The following FOXP2 variants were observed in gnomAD, a reference collection of about 807,000 sequenced individuals.
FOXP2 encodes the protein forkhead box P2.
Under a neutral mutation model 115.8 loss-of-function variants are expected in FOXP2, and 12 were observed. The observed-to-expected ratio is 0.10, with a 90% confidence interval of 0.07 to 0.17. FOXP2 has a LOEUF of 0.17. Ranked by LOEUF, FOXP2 falls within the 10% of genes least tolerant of loss-of-function variation. FOXP2 has a pLI of 1.00. For missense variants in FOXP2, 629 were observed against 843.5 expected, an observed-to-expected ratio of 0.75 and a Z score of 3.15; for synonymous variants, 328 against 297.7, an observed-to-expected ratio of 1.10 and a Z score of -1.05.
intron 14 of FOXP2, among the ~76,000 whole-genome samples, chr7:114,662,977 A>G (rs958507377): frequency 1.2e-4 from 19 of 152,186 alleles, no homozygotes; most frequent in African/African-American, 4.6e-4. Context: ...ATGTGCTAAT[A>G]TCTGCATTCA....
chr7:114,099,260 G>C (rs927040718), intron 1 of FOXP2, among the ~76,000 whole-genome samples: 1 of 152,106 alleles, frequency 6.6e-6, no homozygotes, highest in South Asian at 2.1e-4. Flanking sequence ...TGGCCAACAG[G>C]TATATGAAAA....
intron 3 of FOXP2, among the ~76,000 whole-genome samples, chr7:114,567,991 G>T (rs1801107052): frequency 6.6e-6 from 1 of 152,082 alleles, no homozygotes; most frequent in African/African-American, 2.4e-5. Context: ...AAAAGCATTT[G>T]CCTTTCAATA....
intron 16 of FOXP2, chr7:114,665,153 T>C (rs1585008510): frequency 6.6e-6 from 1 of 152,178 alleles, no homozygotes; most frequent in East Asian, 1.9e-4. Context: ...TTCAGAAATG[T>C]GTATGACACT....
intron 2 of FOXP2, among the ~76,000 whole-genome samples, chr7:114,385,678 G>A (rs1792429599): frequency 6.6e-6 from 1 of 152,172 alleles, no homozygotes; most frequent in African/African-American, 2.4e-5. Flanking sequence ...CAGATGCCCA[G>A]TATTTTCCTC....
intron 3 of FOXP2, among the ~76,000 whole-genome samples, chr7:114,550,091 G>A (rs73429356): frequency 0.015 from 2,304 of 150,640 alleles, 71 homozygotes; most frequent in African/African-American, 0.053. Flanking sequence ...TGTACATTGA[G>A]AGCTCATCTT....
At chr7:114,147,562 G>T (rs1184630867) in intron 1 of FOXP2, among the ~76,000 whole-genome samples, 3 of 152,052 alleles carry the variant, frequency 2.0e-5, no homozygotes, top group African/African-American at 4.8e-5. Flanking sequence ...TCCAAACCCT[G>T]TTGTGTCTGC....
intron 1 of FOXP2, among the ~76,000 whole-genome samples, chr7:114,096,184 A>G (rs924202052): frequency 1.3e-5 from 2 of 152,314 alleles, no homozygotes; most frequent in Middle Eastern, 3.4e-3. Context: ...CAACCAAGGA[A>G]AGCCGGGGAT....
At chr7:114,538,485 A>C (rs1799501186) in intron 3 of FOXP2, 1 of 596,066 alleles carries the variant, frequency 1.7e-6, no homozygotes, top group Non-Finnish European at 2.6e-6. Flanking sequence ...TCTCCTTTCT[A>C]ATAGGTAATT....
intron 1 of FOXP2, among the ~76,000 whole-genome samples, chr7:114,102,741 GT>G (rs1791020534): frequency 7.8e-6 from 1 of 128,764 alleles, no homozygotes; most frequent in African/African-American, 3.6e-5. Context: ...CACCCCAATG[GT>G]TATTCATATA....
chr7:114,426,657 T>G lies in FOXP2; in HGVS notation c.146T>G (p.Leu49Arg). 6.2e-7 allele frequency: 1 copy of G among 1,611,188 alleles called. No homozygotes were observed. ...DTSSEVSTVE[L>R]LHLQQQQALQ... is the part of the protein sequence containing the mutation. Reference sequence around the variant, plus strand: ...AGCTCTGAAGTAAGCACAGTAGAACTGCTGCATCTGCAACAACAGCAGGTA... The same window carrying G: ...AGCTCTGAAGTAAGCACAGTAGAACGGCTGCATCTGCAACAACAGCAGGTA... Residue 49 changes from leucine to arginine, a missense_variant, in exon 2 of 17, where the codon CTG (leucine) becomes CGG (arginine). Around this residue, in one of 9 missense-constraint regions of FOXP2, gnomAD observed 91 missense variants for 98.3 expected, o/e 0.93. Transcript: ENST00000350908.
chr7:114,567,061 T>C (rs1801061583), intron 3 of FOXP2, among the ~76,000 whole-genome samples: 1 of 151,870 alleles, frequency 6.6e-6, no homozygotes, highest in Non-Finnish European at 1.5e-5. Context: ...TATAGGAGAG[T>C]CTTTAGTATG....
At chr7:114,585,446 G>A (rs1436001475) in intron 3 of FOXP2, among the ~76,000 whole-genome samples, 1 of 151,946 alleles carries the variant, frequency 6.6e-6, no homozygotes, top group Non-Finnish European at 1.5e-5. Context: ...GAATATCTTA[G>A]AAATGTAGAA....
chr7:114,260,673 T>G (rs754220394), intron 1 of FOXP2, among the ~76,000 whole-genome samples: 40 of 152,290 alleles, frequency 2.6e-4, no homozygotes, highest in Non-Finnish European at 4.3e-4. Context: ...GATTTTTTAC[T>G]TTTCAGTTTT....
At chr7:114,476,824 C>A (rs1365252895) in intron 2 of FOXP2, among the ~76,000 whole-genome samples, 1 of 151,816 alleles carries the variant, frequency 6.6e-6, no homozygotes, top group African/African-American at 2.4e-5. Flanking sequence ...TCTCCTTGTA[C>A]AGATCTTTCA....
intron 2 of FOXP2, among the ~76,000 whole-genome samples, chr7:114,364,699 T>C (rs1378506295): frequency 6.6e-6 from 1 of 152,152 alleles, no homozygotes; most frequent in Non-Finnish European, 1.5e-5. Context: ...CCATAAACGG[T>C]ATGGATTTGC....
chr7:114,361,184 A>G (rs1791737180), intron 2 of FOXP2, among the ~76,000 whole-genome samples: 1 of 152,178 alleles, frequency 6.6e-6, no homozygotes, highest in South Asian at 2.1e-4. Context: ...TACTCAAATC[A>G]TGATCAAATT....
chr7:114,689,903 C>G lies in FOXP2; in HGVS notation c.2125C>G (p.Pro709Ala). The G allele has an allele frequency of 6.2e-7, 1 of 1,613,250 alleles. No homozygotes were observed. The highest frequency in any genetic ancestry group is 8.5e-7 in the Non-Finnish European group (1 of 1,179,454). Residue 709 changes from proline (P) to alanine (A), a missense_variant, in exon 17 of 17, where the codon CCT becomes GCT. Coordinates refer to ENST00000350908, the MANE Select transcript of FOXP2 (RefSeq NM_014491.4). The part of the protein sequence containing the change: ...LEDDREIEEE[P>A]LSEDLE ...AGACGACAGAGAGATTGAAGAAGAG[C>G]CTTTATCTGAAGATCTGGAATGAGA...
chr7:114,427,399 A>T (rs1793907122), intron 2 of FOXP2, among the ~76,000 whole-genome samples: 1 of 135,972 alleles, frequency 7.4e-6, no homozygotes, highest in African/African-American at 3.2e-5. Flanking sequence ...TGATTTTGTA[A>T]AAAAAAAAAA....
chr7:114,327,023 C>T (rs1797570711), intron 2 of FOXP2, among the ~76,000 whole-genome samples: 1 of 152,124 alleles, frequency 6.6e-6, no homozygotes, highest in African/African-American at 2.4e-5. Flanking sequence ...ACCTTTCATC[C>T]TTTGGCTCAG....
Sources: allele counts gnomAD v4.1 joint callset (sites outside exome capture counted in the v4.1 genomes callset), GRCh38; gene constraint gnomAD v4.1.1; regional missense constraint gnomAD v4.1.1; transcripts MANE v1.5; gene names NCBI Gene and HGNC (gene_info 2026-07-23, HGNC 2026-07-21).